POLR1A: variants seen among roughly 807,000 people sequenced by gnomAD.
POLR1A encodes RNA polymerase I subunit A.
In POLR1A, 84 loss-of-function variants were observed where a neutral mutation model predicts 205.3. The observed-to-expected ratio is 0.41, with a 90% CI of 0.34 to 0.49. The LOEUF is 0.49. POLR1A is among the 20% of genes least tolerant of loss of function. POLR1A has a pLI of 0.22. For synonymous variants in POLR1A, 799 were observed against 863.7 expected (o/e 0.93, Z 1.31); for missense variants, 1,645 against 2,204.5 (o/e 0.75, Z 5.08).
intron 27 of POLR1A, chr2:86,037,178 A>G (rs1672515841): frequency 6.6e-6 from 1 of 152,290 alleles, no homozygotes; most frequent in African/African-American, 2.4e-5. Flanking sequence ...GGGTGCACAC[A>G]GCACTCCCCT....
At chr2:86,029,766 T>G (rs988049400) in intron 31 of POLR1A, among the ~76,000 whole-genome samples, 7 of 147,304 alleles carry the variant, frequency 4.8e-5, no homozygotes. Context: ...CCGGCTATTT[T>G]TTTTTTGTAT....
intron 27 of POLR1A, 47 bp from the exon 28 acceptor site, chr2:86,033,834 C>T (rs201487108): frequency 2.1e-5 from 34 of 1,603,592 alleles, no homozygotes; most frequent in Non-Finnish European, 2.5e-5. Context: ...ACCAGCATGT[C>T]CAGCCCTACC....
chr2:86,081,438 C>T (rs1209659419), intron 8 of POLR1A, among the ~76,000 whole-genome samples, 163 bp downstream of exon 8: 1 of 152,078 alleles, frequency 6.6e-6, no homozygotes, highest in Non-Finnish European at 1.5e-5. Context: ...ATTGCGTTCA[C>T]AACAAACGGG....
chr2:86,042,145 C>T, intron 23 of POLR1A, 42 bp from the exon 24 acceptor site: 1 of 1,410,752 alleles, frequency 7.1e-7, no homozygotes, highest in Non-Finnish European at 1.0e-6. Context: ...GAGGGATACC[C>T]AGTAGCATAA....
chr2:86,045,227 C>A (rs61185790), intron 21 of POLR1A, 51 bp downstream of exon 21: 4 of 1,154,126 alleles, frequency 3.5e-6, no homozygotes, highest in Non-Finnish European at 5.1e-6. Flanking sequence ...AAGATGATGG[C>A]AGGAAGGGCC....
rs1558777042 is a variant in POLR1A at position 86,071,227 on chromosome 2, C to CGTGTGCGCGCGTGTGT, written c.1612-956_1612-955insACACACGCGCGCACAC. On this transcript the variant is annotated intron_variant, in intron 12 of 33. Coordinates refer to ENST00000263857, the MANE Select transcript of POLR1A (RefSeq NM_015425.6). ...CCCAGCTTCTCTCTCTCTCCGTGTG[C>CGTGTGCGCGCGTGTGT]ATGTGTGTGTGTGTGTGTGTGTGTG... is the stretch of plus-strand genomic sequence containing the variant. Among the ~76,000 whole-genome samples the CGTGTGCGCGCGTGTGT allele has an allele frequency of 8.8e-5, 13 of 147,356 alleles. No individual in the cohort carries two copies. In the East Asian group the frequency reaches 1.4e-3, roughly 16 times the overall value.
chr2:86,058,537 G>GAA (rs772340416), intron 14 of POLR1A, among the ~76,000 whole-genome samples: 4 of 129,298 alleles, frequency 3.1e-5, no homozygotes, highest in Non-Finnish European at 6.6e-5. Flanking sequence ...ATATCTTAAT[G>GAA]AAAAAAAAAA....
At chr2:86,068,382 T>TGGGCGG (rs1553436009) in intron 13 of POLR1A, among the ~76,000 whole-genome samples, 8 of 616 alleles carry the variant, frequency 0.013, no homozygotes, top group African/African-American at 0.026. Context: ...GCCAAGCACA[T>TGGGCGG]GGGCGGGGGG....
chr2:86,105,484 C>T (rs1210418830), intron 1 of POLR1A, among the ~76,000 whole-genome samples: 3 of 152,140 alleles, frequency 2.0e-5, no homozygotes, highest in Non-Finnish European at 4.4e-5. Flanking sequence ...ATTCCCCTAC[C>T]TCAGCGCAAA....
chr2:86,033,808 A>G (rs752515635), intron 27 of POLR1A, 21 bp from the exon 28 acceptor site: 45 of 1,613,092 alleles, frequency 2.8e-5, no homozygotes, highest in Middle Eastern at 1.7e-4. Context: ...AAGAAAGCCA[A>G]AAAGCCCTGT....
rs10184159 is a variant in POLR1A, at chr2:86,049,272, C to T, written c.2393-30G>A. The T allele has an allele frequency of 3.8e-4, 582 of 1,540,234 alleles. 1 individual carries two copies. The highest frequency in any genetic ancestry group is 7.1e-4 in the Middle Eastern group (4 of 5,600). ...GAAGTGAAACAGACAAGCTTGTAGGCGACCTCAGGCCTGATTTCTCCCACC... is the reference window on the plus strand; with the variant it reads ...GAAGTGAAACAGACAAGCTTGTAGGTGACCTCAGGCCTGATTTCTCCCACC... On this transcript the variant is annotated intron_variant, in intron 16 of 33. Transcript: ENST00000263857.
Position 86,031,525 on chromosome 2 carries a change from C to T in POLR1A, c.4383G>A (p.Glu1461=). 1 of 1,614,220 alleles carries T rather than the reference C, an allele frequency of 6.2e-7. No homozygotes were observed. The highest frequency in any genetic ancestry group is 8.5e-7 in the Non-Finnish European group (1 of 1,180,036). ...TGCCTAAGCCCACCTCTTCATCTTG[C>T]TCTTGGGTCTTTCGAGCACCTTCCC... ...PHREGARKTQ[E]QDEEVGLGTE... The change falls in exon 30 of 34, where the codon GAG becomes GAA. Residue 1461 remains glutamate, a synonymous_variant. Transcript: ENST00000263857.
chr2:86,045,621 G>A lies in POLR1A; in HGVS notation c.2882C>T (p.Pro961Leu), dbSNP rs756050253. Residue 961 changes from proline to leucine, a missense_variant, in exon 20 of 34, where the codon CCT (proline) becomes CTT (leucine). Physicochemically the swap from Pro to Leu is moderately conservative, Grantham distance 98. Transcript: ENST00000263857. ...VTGRFLTGIK[P>L]PEFFFHCMAG... Reference sequence around the variant, plus strand: ...TGGAAAAACCAAAATACATACAGGAGGTTTGATGCCGGTGAGGAACCTGCC... The same window carrying A: ...TGGAAAAACCAAAATACATACAGGAAGTTTGATGCCGGTGAGGAACCTGCC... 6.2e-7 allele frequency: 1 copy of A among 1,614,128 alleles called. No homozygotes were observed.
intron 14 of POLR1A, among the ~76,000 whole-genome samples, chr2:86,055,529 G>A (rs1055407922): frequency 6.6e-6 from 1 of 152,246 alleles, no homozygotes; most frequent in African/African-American, 2.4e-5. Flanking sequence ...AAAGGCAGGA[G>A]AGTGACACGT....
At chr2:86,101,037 C>T (rs1673810861) in intron 1 of POLR1A, among the ~76,000 whole-genome samples, 1 of 152,156 alleles carries the variant, frequency 6.6e-6, no homozygotes. Context: ...TGTGATGCAA[C>T]AATCCCTGTA....
At chr2:86,079,403 G>A (rs972997369) in intron 9 of POLR1A, among the ~76,000 whole-genome samples, 4 of 152,156 alleles carry the variant, frequency 2.6e-5, no homozygotes, top group African/African-American at 9.7e-5. Flanking sequence ...ACGGTGACTG[G>A]CAAGGGCTGC....
Position 86,028,468 on chromosome 2 carries a change from G to A in POLR1A, c.4897+126C>T. On this transcript the variant is annotated intron_variant, in intron 32 of 33. Coordinates refer to ENST00000263857, the MANE Select transcript of POLR1A (RefSeq NM_015425.6). The surrounding 1 kb of genome is among the most constrained non-coding windows in gnomAD (Gnocchi z 4.5). ...CAGGTGCACTCACTGCACGCATGCT[G>A]CAGTGCCTGCCTTAGTGCTGGACTG... 1 of 718,080 alleles carries A rather than the reference G, an allele frequency of 1.4e-6. No individual in the cohort carries two copies. Among genetic ancestry groups the A allele is most frequent in the Admixed American group, 1.9e-5 (1 of 53,478 alleles). The allele number at this position is 718,080 out of a possible 1,614,324, so 44.5% of individuals were successfully genotyped here. A position where few individuals can be genotyped will look rare whatever the true frequency, so the allele number is the denominator to read the frequency against.
intron 28 of POLR1A, among the ~76,000 whole-genome samples, chr2:86,032,831 G>T (rs116037510): frequency 0.012 from 1,866 of 152,212 alleles, 48 homozygotes; most frequent in African/African-American, 0.043. Flanking sequence ...CTCTCCTTCT[G>T]GGTGAATTAA....
chr2:86,031,841 A>C (rs1452229452), intron 29 of POLR1A, among the ~76,000 whole-genome samples: 1 of 152,046 alleles, frequency 6.6e-6, no homozygotes, highest in Non-Finnish European at 1.5e-5. Context: ...TGTCCCCCTG[A>C]GCCCCTCACA....
Sources: allele counts gnomAD v4.1 joint callset (sites outside exome capture counted in the v4.1 genomes callset), GRCh38; gene constraint gnomAD v4.1.1; non-coding constraint Gnocchi (gnomAD v3.1); transcripts MANE v1.5; gene names NCBI Gene and HGNC (gene_info 2026-07-23, HGNC 2026-07-21).